The following JHY variants were observed in gnomAD, a reference collection of about 807,000 sequenced individuals.
JHY encodes junctional cadherin complex regulator.
Under a neutral mutation model 78.0 loss-of-function variants are expected in JHY, and 69 were observed. The observed-to-expected ratio is 0.88, with a 90% CI of 0.73 to 1.08. The LOEUF (loss-of-function observed/expected upper bound fraction) is 1.08, where lower values mean the gene tolerates loss of function less well. JHY is among the 50% of genes least tolerant of loss of function. The probability of loss-of-function intolerance (pLI) is 0.00; values close to 1 mark genes in which losing one functional copy is unlikely to be tolerated. For missense variants in JHY, 944 were observed against 927.8 expected (o/e 1.02, Z -0.23); for synonymous variants, 368 against 342.6 (o/e 1.07, Z -0.82).
At chr11:122,952,034 T>C (rs2135379310) in intron 6 of JHY, among the ~76,000 whole-genome samples, 1 of 151,928 alleles carries the variant, frequency 6.6e-6, no homozygotes, top group Admixed American at 6.6e-5. Context: ...GACCTTTTAG[T>C]CTTGTAACAG....
At chr11:122,937,242 C>CTTTTTTTTT (rs11353255) in intron 5 of JHY, among the ~76,000 whole-genome samples, 9 of 137,656 alleles carry the variant, frequency 6.5e-5, no homozygotes, top group African/African-American at 8.1e-5. Flanking sequence ...CTTTTCATTT[C>CTTTTTTTTT]TTTTTTTTTT....
intron 3 of JHY, among the ~76,000 whole-genome samples, chr11:122,912,633 T>C (rs1249861865): frequency 6.6e-6 from 1 of 151,776 alleles, no homozygotes; most frequent in East Asian, 2.0e-4. Flanking sequence ...TCCCAGCTAC[T>C]CCAGAGGCTG....
chr11:122,951,138 G>A (rs1453970546), intron 6 of JHY, among the ~76,000 whole-genome samples: 3 of 152,060 alleles, frequency 2.0e-5, no homozygotes, highest in South Asian at 4.1e-4. Context: ...CAAGAGAATC[G>A]CCCTGAATCA....
intron 5 of JHY, among the ~76,000 whole-genome samples, chr11:122,943,256 A>G (rs868740060): frequency 6.6e-6 from 1 of 152,242 alleles, no homozygotes; most frequent in Non-Finnish European, 1.5e-5. Flanking sequence ...ATTTCAAAAC[A>G]TATAAAGTTA....
In JHY at chr11:122,934,432, C is replaced by G; in HGVS notation, c.991C>G (p.His331Asp). 6.2e-7 allele frequency: 1 copy of G among 1,604,046 alleles called. No homozygotes were observed. Residue 331 changes from histidine to aspartate, a missense_variant, in exon 5 of 9, where the codon CAC (histidine) becomes GAC (aspartate). His to Asp is a moderately conservative substitution (Grantham distance 81, BLOSUM62 -1). Coordinates refer to ENST00000227349, the MANE Select transcript of JHY (RefSeq NM_024806.4). ...RAQQLKNYQEHWSQYESTKSS... is the reference protein window; with the variant it reads ...RAQQLKNYQEDWSQYESTKSS... ...AATATCTCTTTAGAATTACCAGGAA[C>G]ACTGGTCTCAATATGAAAGTACAAA...
chr11:122,925,709 C>T (rs967370480), intron 4 of JHY, among the ~76,000 whole-genome samples: 1 of 151,754 alleles, frequency 6.6e-6, no homozygotes, highest in Non-Finnish European at 1.5e-5. Flanking sequence ...TAGTGAAACC[C>T]TGTCTCTACT....
chr11:122,950,521 G>T (rs1383857095), intron 6 of JHY, among the ~76,000 whole-genome samples: 1 of 152,086 alleles, frequency 6.6e-6, no homozygotes, highest in African/African-American at 2.4e-5. Flanking sequence ...TTCATTCCTA[G>T]GTTCTCATCT....
intron 3 of JHY, among the ~76,000 whole-genome samples, chr11:122,907,625 C>A (rs533833344): frequency 6.3e-4 from 95 of 151,976 alleles, no homozygotes; most frequent in African/African-American, 2.2e-3. Flanking sequence ...CGGGCAGATC[C>A]CCTGAAGTTG....
chr11:122,931,931 G>A (rs559332335), intron 4 of JHY, among the ~76,000 whole-genome samples: 1 of 152,172 alleles, frequency 6.6e-6, no homozygotes, highest in South Asian at 2.1e-4. Flanking sequence ...CCAGCATTAG[G>A]CATCAGGATT....
At chr11:122,926,912 TTTAAA>T (rs1324473649) in intron 4 of JHY, 1 of 152,268 alleles carries the variant, frequency 6.6e-6, no homozygotes, top group East Asian at 1.9e-4. Context: ...TTTCTAGTTA[TTTAAA>T]TTATTATAGA....
chr11:122,939,122 G>A (rs531163357), intron 5 of JHY, among the ~76,000 whole-genome samples: 1 of 151,944 alleles, frequency 6.6e-6, no homozygotes, highest in East Asian at 1.9e-4. Flanking sequence ...TGAGCAGCTG[G>A]GACTACAGAC....
rs554835616 is a variant in JHY at position 122,883,362 on chromosome 11, G to T, written c.-90+390G>T. Among the ~76,000 whole-genome samples the T allele has an allele frequency of 6.6e-6, 1 of 152,292 alleles. No homozygotes were observed. Among genetic ancestry groups the T allele is most frequent in the South Asian group, 2.1e-4 (1 of 4,828 alleles). On this transcript the variant is annotated intron_variant, in intron 1 of 8. Transcript: ENST00000227349. The surrounding 1 kb of genome is among the most constrained non-coding windows in gnomAD (Gnocchi z 4.4). ...AGCTTCCGGCCTGTTTCAAACCAGG[G>T]TTCGTTCCTTTTTCTTTACGATTCA...
In JHY at chr11:122,963,689, A is replaced by G. The variant is rs547372744; in HGVS notation, c.*4244A>G. On this transcript the variant is annotated 3_prime_UTR_variant, in exon 9 of 9. Coordinates refer to ENST00000227349, the MANE Select transcript of JHY (RefSeq NM_024806.4). ...TCAATTCATAGCATTTCTGTTTCAA[A>G]TATTCAAAAGCAAAAAATAATCTGC... 6.6e-6 allele frequency among the ~76,000 whole-genome samples: 1 copy of G among 152,146 alleles called. No homozygotes were observed. Among genetic ancestry groups the G allele is most frequent in the Non-Finnish European group, 1.5e-5 (1 of 68,004 alleles).
rs148376329 is a variant in JHY at position 122,946,770 on chromosome 11, A to G, written c.1907A>G (p.His636Arg). The change falls in exon 6 of 9, where the codon CAT (histidine) becomes CGT (arginine). Residue 636 changes from histidine to arginine, a missense_variant. Transcript: ENST00000227349. ...TTTCAACTGGAAAAGGGAAAAAAGCATAAGAAAAGAAGCAGCAGTAAGGTA... is the reference window on the plus strand; with the variant it reads ...TTTCAACTGGAAAAGGGAAAAAAGCGTAAGAAAAGAAGCAGCAGTAAGGTA... ...YLFQLEKGKK[H>R]KKRSSSKNTK... 8.1e-6 allele frequency: 13 copies of G among 1,612,312 alleles called. No homozygotes were observed. Among genetic ancestry groups the G allele is most frequent in the South Asian group, 1.1e-5 (1 of 90,618 alleles).
chr11:122,905,694 C>G, intron 3 of JHY: 1 of 603,616 alleles, frequency 1.7e-6, no homozygotes, highest in Non-Finnish European at 2.1e-6. Context: ...ATGGTGAAAC[C>G]CATCTATACC....
At chr11:122,958,748 A>G (rs1565342003) in intron 8 of JHY, 1 of 985,150 alleles carries the variant, frequency 1.0e-6, no homozygotes, top group East Asian at 1.1e-4. Context: ...TTGCTATAGA[A>G]AGAAAAAAAT....
rs553736855 is a variant in JHY at position 122,957,759 on chromosome 11, C to T, written c.2139+268C>T. Among the ~76,000 whole-genome samples the T allele has an allele frequency of 6.6e-5, 10 of 151,136 alleles. No homozygotes were observed. The South Asian group carries it at 1.9e-3, about 29-fold the overall frequency. ...GGAGATGTTTTAGCTACTTCCATTC[C>T]TGTAGCTACCCATCATTCACAGATA... On this transcript the variant is annotated intron_variant, in intron 8 of 8. Coordinates refer to ENST00000227349, the MANE Select transcript of JHY (RefSeq NM_024806.4).
At chr11:122,886,780 G>A (rs1420626652) in intron 2 of JHY, among the ~76,000 whole-genome samples, 8 of 151,868 alleles carry the variant, frequency 5.3e-5, no homozygotes, top group South Asian at 2.1e-4. Context: ...ACTTTTTCTC[G>A]TCTGTCAAAT....
chr11:122,959,248 GC>G lies in JHY; in HGVS notation c.2141del (p.Ala714ValfsTer16), dbSNP rs1455371799. ...QKKSAIPRQK[A>X]LEYAKTIPKP... ...TAAAATTTCATCTTTATGCGTTTAG[GC>G]TTTGGAATACGCTAAGACCATCCCC... On this transcript the variant is annotated frameshift_variant and splice_region_variant, in exon 9 of 9. Transcript: ENST00000227349. LOFTEE classifies it high-confidence loss of function. The G allele has an allele frequency of 6.2e-7, 1 of 1,612,886 alleles. No individual in the cohort carries two copies. The highest frequency in any genetic ancestry group is 8.5e-7 in the Non-Finnish European group (1 of 1,179,692).
Sources: gnomAD v4.1 joint callset for allele counts (sites outside exome capture counted in the v4.1 genomes callset) on GRCh38, gnomAD v4.1.1 for gene constraint, Gnocchi (gnomAD v3.1) non-coding constraint, MANE v1.5 for transcripts, NCBI Gene and HGNC (gene_info 2026-07-23, HGNC 2026-07-21) for gene names.